The following ZHX1 variants were observed in gnomAD, a reference collection of about 807,000 sequenced individuals.
ZHX1 encodes zinc fingers and homeoboxes protein 1.
In ZHX1, 20 loss-of-function variants were observed where a neutral mutation model predicts 61.8. The observed-to-expected ratio is 0.32, with a 90% confidence interval of 0.23 to 0.47. The LOEUF (loss-of-function observed/expected upper bound fraction) is 0.47. Ranked by LOEUF, ZHX1 falls within the 20% of genes least tolerant of loss-of-function variation. ZHX1 has a pLI of 1.00. For missense variants in ZHX1, 800 were observed against 1,034.8 expected, an observed-to-expected ratio of 0.77 and a Z score of 3.11; for synonymous variants, 318 against 352.6, an observed-to-expected ratio of 0.90 and a Z score of 1.10.
chr8:123,258,923 A>C (rs992922959), intron 2 of ZHX1, among the ~76,000 whole-genome samples: 2 of 152,236 alleles, frequency 1.3e-5, no homozygotes, highest in Non-Finnish European at 2.9e-5. Context: ...AGCTATTTTT[A>C]ATTTACTGGC....
chr8:123,251,193 G>A (rs1030286623), intron 3 of ZHX1, among the ~76,000 whole-genome samples: 3 of 152,012 alleles, frequency 2.0e-5, no homozygotes, highest in African/African-American at 7.2e-5. Flanking sequence ...TCTCCTGTTC[G>A]GTCATGGTGA....
At chr8:123,272,050 GAA>G (rs1826672292) in intron 1 of ZHX1, among the ~76,000 whole-genome samples, 1 of 152,204 alleles carries the variant, frequency 6.6e-6, no homozygotes, top group African/African-American at 2.4e-5. Flanking sequence ...GGAAACCAAA[GAA>G]CAGCACACGT....
At chr8:123,257,830 T>C (rs1020956715) in intron 2 of ZHX1, among the ~76,000 whole-genome samples, 3 of 152,192 alleles carry the variant, frequency 2.0e-5, no homozygotes, top group Non-Finnish European at 2.9e-5. Context: ...GGATTGGTAC[T>C]GGTCCATGGC....
chr8:123,271,732 C>T (rs1470591530), intron 1 of ZHX1, among the ~76,000 whole-genome samples: 1 of 151,940 alleles, frequency 6.6e-6, no homozygotes, highest in African/African-American at 2.4e-5. Flanking sequence ...TGAACCACCT[C>T]TCCTATGCTA....
At chr8:123,266,953 A>C (rs1215193325) in intron 2 of ZHX1, among the ~76,000 whole-genome samples, 1 of 152,144 alleles carries the variant, frequency 6.6e-6, no homozygotes, top group Non-Finnish European at 1.5e-5. Flanking sequence ...CCAAAGGTAC[A>C]TTTTGTCTTG....
intron 2 of ZHX1, chr8:123,263,019 C>CGGGAAGGGGA (rs1563813146): frequency 8.6e-6 from 1 of 116,066 alleles, no homozygotes; most frequent in African/African-American, 3.4e-5. Context: ...GGAAGAGAAG[C>CGGGAAGGGGA]GGGAAGGGGA....
At chr8:123,256,358 T>C (rs1826069429) in intron 2 of ZHX1, among the ~76,000 whole-genome samples, 187 bp from the exon 3 acceptor site, 3 of 152,208 alleles carry the variant, frequency 2.0e-5, no homozygotes, top group Non-Finnish European at 2.9e-5. Flanking sequence ...ACTCATTGAA[T>C]GTTAAGTACT....
At chr8:123,274,722 C>T (rs773181956), upstream of ZHX1, among the ~76,000 whole-genome samples, 18 of 152,084 alleles carry the variant, frequency 1.2e-4, no homozygotes, top group Non-Finnish European at 2.5e-4. Flanking sequence ...CCTGCGACCG[C>T]TCCGCCCGCT....
At position 123,248,468 on chromosome 8, in the gene ZHX1, C is replaced by CACT. The variant is rs1388148552; in HGVS notation, c.*1853_*1855dup. The CACT allele has an allele frequency of 6.6e-6, 1 of 151,644 alleles. No homozygotes were observed. Among genetic ancestry groups the CACT allele is most frequent in the Non-Finnish European group, 1.5e-5 (1 of 67,920 alleles). The allele number at this position is 151,644 out of a possible 1,614,324, so 9.4% of individuals were successfully genotyped here. ...AAAAAGGTCACTGTAAACTACTAAT[C>CACT]ACTACTTTTATTTTGTATTCAAGGT... is the stretch of plus-strand genomic sequence containing the variant. On this transcript the variant is annotated 3_prime_UTR_variant, in exon 4 of 4. Transcript: ENST00000395571.
At chr8:123,272,973 A>ATTTT (rs148214782) in intron 1 of ZHX1, among the ~76,000 whole-genome samples, 24 of 145,052 alleles carry the variant, frequency 1.7e-4, no homozygotes, top group African/African-American at 5.8e-4. Context: ...AGCTCTTCGC[A>ATTTT]TTTTTTTTTT....
At chr8:123,273,193 T>C (rs1343930207) in intron 1 of ZHX1, among the ~76,000 whole-genome samples, 1 of 152,188 alleles carries the variant, frequency 6.6e-6, no homozygotes, top group African/African-American at 2.4e-5. Flanking sequence ...GGGGCTATGC[T>C]CTTTCCTTAC....
At chr8:123,251,597 T>C (rs993062553) in intron 3 of ZHX1, among the ~76,000 whole-genome samples, 1 of 152,132 alleles carries the variant, frequency 6.6e-6, no homozygotes, top group Non-Finnish European at 1.5e-5. Context: ...AACAACAACA[T>C]TCACTGCAGC....
rs985548645 is a variant in ZHX1, at chr8:123,254,376, C to G, written c.1571G>C (p.Ser524Thr). The G allele has an allele frequency of 6.2e-7, 1 of 1,613,972 alleles. No individual in the cohort carries two copies. The highest frequency in any genetic ancestry group is 8.5e-7 in the Non-Finnish European group (1 of 1,180,006). ...DTRYNQRNSK[S>T]NQCLHLNNDS... is the part of the protein sequence containing the mutation. ...ATTGTTGAGATGTAAGCACTGATTA[C>G]TCTTTGAATTTCTCTGGTTGTACCT... The change falls in exon 3 of 4, where the codon AGT becomes ACT. Residue 524 changes from serine to threonine, a missense_variant. Coordinates refer to ENST00000395571, the MANE Select transcript of ZHX1 (RefSeq NM_007222.5). The surrounding 1 kb of genome is among the most constrained non-coding windows in gnomAD (Gnocchi z 4.1).
intron 2 of ZHX1, among the ~76,000 whole-genome samples, chr8:123,265,146 G>A (rs998747162): frequency 1.4e-5 from 2 of 147,630 alleles, no homozygotes; most frequent in African/African-American, 2.5e-5. Flanking sequence ...CCGAGATTGC[G>A]CCATTGCACT....
intron 1 of ZHX1, among the ~76,000 whole-genome samples, chr8:123,272,845 G>A (rs1314467866): frequency 6.6e-6 from 1 of 152,062 alleles, no homozygotes; most frequent in Non-Finnish European, 1.5e-5. Context: ...CCAATTTTGT[G>A]ATTTTCCTTT....
At position 123,255,429 on chromosome 8, in the gene ZHX1, G is replaced by A. The variant is rs915046477; in HGVS notation, c.518C>T (p.Ser173Phe). ...AGTTTTACTGATAGATATTCCCGAAGAAGAAACTTCTGTAGATTCTGCTTG... is the reference window on the plus strand; with the variant it reads ...AGTTTTACTGATAGATATTCCCGAAAAAGAAACTTCTGTAGATTCTGCTTG... ...AEQAESTEVS[S>F]SGISISKTPI... Residue 173 changes from serine (S) to phenylalanine (F), a missense_variant, in exon 3 of 4, where the codon TCT (serine) becomes TTT (phenylalanine). By Grantham distance (155) the Ser-to-Phe change is radical. Coordinates refer to ENST00000395571, the MANE Select transcript of ZHX1 (RefSeq NM_007222.5). 2 of 1,613,296 alleles carry A rather than the reference G, an allele frequency of 1.2e-6. No individual in the cohort carries two copies. Among genetic ancestry groups the A allele is most frequent in the Non-Finnish European group, 8.5e-7 (1 of 1,180,010 alleles).
intron 1 of ZHX1, among the ~76,000 whole-genome samples, chr8:123,272,420 T>A (rs545704256): frequency 6.6e-6 from 1 of 152,222 alleles, no homozygotes; most frequent in African/African-American, 2.4e-5. Flanking sequence ...AAAATATTCA[T>A]GAAAGCCCTT....
intron 2 of ZHX1, among the ~76,000 whole-genome samples, chr8:123,258,937 C>A (rs1396835391): frequency 6.6e-6 from 1 of 152,066 alleles, no homozygotes; most frequent in East Asian, 1.9e-4. Flanking sequence ...TACTGGCATC[C>A]CAGCTGAATG....
intron 2 of ZHX1, among the ~76,000 whole-genome samples, chr8:123,260,792 G>A (rs1014561649): frequency 2.6e-5 from 4 of 151,192 alleles, no homozygotes; most frequent in East Asian, 2.0e-4. Context: ...TGGCAGGGGC[G>A]CGGTGCATCA....
Sources: allele counts gnomAD v4.1 joint callset (sites outside exome capture counted in the v4.1 genomes callset), GRCh38; gene constraint gnomAD v4.1.1; non-coding constraint Gnocchi (gnomAD v3.1); transcripts MANE v1.5; gene names NCBI Gene and HGNC (gene_info 2026-07-23, HGNC 2026-07-21).